Variants in PHF21B observed in about 807,000 individuals in gnomAD.
PHF21B encodes PHD finger protein 21B.
In PHF21B, 22 loss-of-function variants were observed where a neutral mutation model predicts 62.2. The ratio of observed to expected loss-of-function variants is 0.35; its 90% CI spans 0.25 to 0.51. The LOEUF is 0.51. Ranked by LOEUF, PHF21B falls within the 20% of genes least tolerant of loss-of-function variation. PHF21B has a pLI of 0.97. For missense variants in PHF21B, 701 were observed against 707.9 expected (o/e 0.99, Z 0.11); for synonymous variants, 341 against 314.7 (o/e 1.08, Z -0.88).
In PHF21B at chr22:44,891,297, G is replaced by C. The variant is rs376557661; in HGVS notation, c.1015+9C>G. ...CAGCTCTGGCAGAAGGCCTGAAGCC[G>C]GTGCTTACCTCTCGCTGTGAGGAAC... On this transcript the variant is annotated intron_variant, in intron 8 of 12. Coordinates refer to ENST00000313237, the MANE Select transcript of PHF21B (RefSeq NM_138415.5). 8.7e-5 allele frequency: 140 copies of C among 1,613,592 alleles called. No individual in the cohort carries two copies. The highest frequency in any genetic ancestry group is 1.2e-4 in the Admixed American group (7 of 59,948).
At chr22:44,947,507 G>A (rs1026827667) in intron 2 of PHF21B, among the ~76,000 whole-genome samples, 2 of 152,216 alleles carry the variant, frequency 1.3e-5, no homozygotes, top group African/African-American at 4.8e-5. Flanking sequence ...GCAGAGGGAA[G>A]GGCTCTGGGC....
At chr22:44,927,470 A>C (rs904680601) in intron 2 of PHF21B, among the ~76,000 whole-genome samples, 1 of 152,114 alleles carries the variant, frequency 6.6e-6, no homozygotes, top group African/African-American at 2.4e-5. Context: ...TCTGAGTCAA[A>C]GTCCAAAGTC....
chr22:44,899,022 G>A (rs1011339139), intron 5 of PHF21B, among the ~76,000 whole-genome samples: 2 of 152,106 alleles, frequency 1.3e-5, no homozygotes, highest in African/African-American at 4.8e-5. Flanking sequence ...CCTGCCACAC[G>A]TTCAGTTCTC....
At chr22:44,952,355 T>C (rs892881816) in intron 2 of PHF21B, among the ~76,000 whole-genome samples, 3 of 151,924 alleles carry the variant, frequency 2.0e-5, no homozygotes, top group South Asian at 4.2e-4. Context: ...AAAAAGAAAA[T>C]AAAATAGAAC....
chr22:44,992,813 G>A (rs988954134), intron 2 of PHF21B, among the ~76,000 whole-genome samples: 43 of 152,288 alleles, frequency 2.8e-4, no homozygotes, highest in African/African-American at 8.4e-4. Flanking sequence ...AGAGGCTCTC[G>A]GGACCCTACC....
At chr22:44,960,956 A>ATTTTCT (rs2072406290) in intron 2 of PHF21B, among the ~76,000 whole-genome samples, 1 of 120,916 alleles carries the variant, frequency 8.3e-6, no homozygotes, top group African/African-American at 3.1e-5. Flanking sequence ...ACGTGAGTTG[A>ATTTTCT]TTTTTTTTTT....
intron 2 of PHF21B, among the ~76,000 whole-genome samples, chr22:44,966,711 A>G (rs1338040488): frequency 1.3e-5 from 2 of 152,230 alleles, no homozygotes; most frequent in Non-Finnish European, 2.9e-5. Flanking sequence ...TAGCCCCCGC[A>G]GTAACCTCCA....
At chr22:44,931,227 C>T (rs1476741871) in intron 2 of PHF21B, among the ~76,000 whole-genome samples, 1 of 152,218 alleles carries the variant, frequency 6.6e-6, no homozygotes, top group Non-Finnish European at 1.5e-5. Flanking sequence ...CCCGAAGAGT[C>T]ACTTTCTAAA....
chr22:44,890,771 G>A (rs1243926494), intron 8 of PHF21B, among the ~76,000 whole-genome samples: 5 of 152,270 alleles, frequency 3.3e-5, no homozygotes, highest in Admixed American at 6.5e-5. Flanking sequence ...CTGAGGCCAG[G>A]TTCCAGCCTG....
chr22:44,895,371 T>C (rs1234139904), intron 6 of PHF21B, among the ~76,000 whole-genome samples: 8 of 152,218 alleles, frequency 5.3e-5, no homozygotes, highest in Non-Finnish European at 8.8e-5. Context: ...CATGTGAAGC[T>C]GCCCTCATCC....
intron 8 of PHF21B, 65 bp from the exon 9 acceptor site, chr22:44,889,847 G>C: frequency 8.2e-6 from 12 of 1,462,170 alleles, no homozygotes; most frequent in Non-Finnish European, 1.1e-5. Context: ...ATCAGGACTG[G>C]AGTCCATGAG....
rs2070766866 is a variant in PHF21B, at chr22:44,883,102, G to C, written c.1580C>G (p.Pro527Arg). The C allele has an allele frequency of 6.2e-7, 1 of 1,611,326 alleles. No individual in the cohort carries two copies. Among genetic ancestry groups the C allele is most frequent in the Non-Finnish European group, 8.5e-7 (1 of 1,179,588 alleles). ...CCCTCGGGGTCAGTTGTGGCCCTGG[G>C]GGTGCTGGACGGTGGGGTGTGTGGC... is the stretch of plus-strand genomic sequence containing the variant. ...VAATHPTVQHPQGHN is the reference protein window; with the variant it reads ...VAATHPTVQHRQGHN Residue 527 changes from proline (P) to arginine (R), a missense_variant, in exon 13 of 13, where the codon CCC becomes CGC. Transcript: ENST00000313237.
At chr22:44,995,859 G>C (rs550409082) in intron 2 of PHF21B, among the ~76,000 whole-genome samples, 37 of 147,932 alleles carry the variant, frequency 2.5e-4, no homozygotes, top group African/African-American at 8.8e-4. Flanking sequence ...CCTGAGGTCA[G>C]GGTGACTGCC....
chr22:45,006,025 C>T (rs1346469098), intron 2 of PHF21B, among the ~76,000 whole-genome samples: 1 of 152,130 alleles, frequency 6.6e-6, no homozygotes, highest in Non-Finnish European at 1.5e-5. Flanking sequence ...CCAATCACCA[C>T]CAAACTCTCC....
intron 2 of PHF21B, among the ~76,000 whole-genome samples, chr22:44,929,408 A>T (rs913546859): frequency 6.6e-6 from 1 of 152,202 alleles, no homozygotes; most frequent in Admixed American, 6.5e-5. Context: ...TCCAGGAGGG[A>T]CCAGCAAGGG....
At chr22:44,925,874 G>T (rs2071619534) in intron 2 of PHF21B, among the ~76,000 whole-genome samples, 2 of 152,212 alleles carry the variant, frequency 1.3e-5, no homozygotes, top group African/African-American at 4.8e-5. Flanking sequence ...CCCCTGGCCT[G>T]CCAGCCAGTG....
At position 45,009,373 on chromosome 22, in the gene PHF21B, C is replaced by T; in HGVS notation, c.54+123G>A. On this transcript the variant is annotated intron_variant, in intron 1 of 12. Coordinates refer to ENST00000313237, the MANE Select transcript of PHF21B (RefSeq NM_138415.5). This position sits in a 1 kb window ranked among gnomAD's most constrained non-coding sequence, Gnocchi z 5.9. ...TGTGCTCACTCCCTCGCCCCCCGCC[C>T]CCGGGCAGGCTCCAGCCTGGAAGAC... The T allele has an allele frequency of 9.5e-7, 1 of 1,048,714 alleles. No individual in the cohort carries two copies. The highest frequency in any genetic ancestry group is 1.3e-6 in the Non-Finnish European group (1 of 755,674). 65.0% of individuals were successfully genotyped at this position (1,048,714 alleles called of 1,614,324 possible).
At chr22:44,960,176 C>A (rs1454709093) in intron 2 of PHF21B, among the ~76,000 whole-genome samples, 1 of 152,246 alleles carries the variant, frequency 6.6e-6, no homozygotes, top group Admixed American at 6.5e-5. Flanking sequence ...CCCCTGGACG[C>A]TGAGGCCTCC....
intron 2 of PHF21B, among the ~76,000 whole-genome samples, chr22:44,987,968 C>T (rs1198364139): frequency 6.6e-6 from 1 of 152,194 alleles, no homozygotes; most frequent in Non-Finnish European, 1.5e-5. Flanking sequence ...CTGGAGTGGA[C>T]TTGCTTTGGA....
Sources: gnomAD v4.1 joint callset for allele counts (sites outside exome capture counted in the v4.1 genomes callset) on GRCh38, gnomAD v4.1.1 for gene constraint, Gnocchi (gnomAD v3.1) non-coding constraint, MANE v1.5 for transcripts, NCBI Gene and HGNC (gene_info 2026-07-23, HGNC 2026-07-21) for gene names.